Variants in RGL1 observed in about 807,000 individuals in gnomAD.
The protein encoded by RGL1 is ral guanine nucleotide dissociation stimulator-like 1.
Under a neutral mutation model 95.2 loss-of-function variants are expected in RGL1, and 24 were observed. The observed-to-expected ratio is 0.25, with a 90% confidence interval of 0.18 to 0.35. RGL1 has a LOEUF of 0.35. Among genes scored for constraint, RGL1 ranks in the 10% least tolerant of loss-of-function variants. RGL1 has a pLI of 1.00. For synonymous variants in RGL1, 329 were observed against 344.9 expected (o/e 0.95, Z 0.51); for missense variants, 715 against 936.3 (o/e 0.76, Z 3.08).
At chr1:183,733,947 C>G (rs75415617) in intron 1 of RGL1, among the ~76,000 whole-genome samples, 316 of 152,332 alleles carry the variant, frequency 2.1e-3, no homozygotes, top group African/African-American at 7.2e-3. Context: ...TACATGCTCT[C>G]CCAGAAGTGT....
intron 2 of RGL1, among the ~76,000 whole-genome samples, chr1:183,820,848 C>T (rs575424477): frequency 1.6e-4 from 24 of 152,112 alleles, no homozygotes; most frequent in Admixed American, 5.2e-4. Flanking sequence ...TGGCTGGGCG[C>T]GGTGGCTCAT....
chr1:183,856,196 G>A (rs1013038423), intron 3 of RGL1, among the ~76,000 whole-genome samples: 1 of 152,086 alleles, frequency 6.6e-6, no homozygotes, highest in Non-Finnish European at 1.5e-5. Context: ...TGTTAGAACA[G>A]ATGAGTTTAA....
At chr1:183,923,978 A>T (rs2102764415) in intron 17 of RGL1, among the ~76,000 whole-genome samples, 1 of 152,306 alleles carries the variant, frequency 6.6e-6, no homozygotes, top group African/African-American at 2.4e-5. Context: ...CTAGACTTGC[A>T]CATTTTACCT....
intron 1 of RGL1, among the ~76,000 whole-genome samples, chr1:183,731,375 G>A (rs1310797360): frequency 6.6e-6 from 1 of 152,094 alleles, no homozygotes; most frequent in Non-Finnish European, 1.5e-5. Flanking sequence ...GCTCTTGAAG[G>A]GCAGGGCAGA....
chr1:183,861,890 G>A (rs949877689), intron 3 of RGL1, among the ~76,000 whole-genome samples: 9 of 152,118 alleles, frequency 5.9e-5, no homozygotes, highest in African/African-American at 2.2e-4. Flanking sequence ...AGTTTTGATG[G>A]GAAGCTATGA....
At chr1:183,636,292 G>A (rs1649529220) in exon 1 of RGL1, 2 of 397,306 alleles carry the variant, frequency 5.0e-6, no homozygotes, top group Non-Finnish European at 8.9e-6. Context: ...ATGCACACCC[G>A]GGCGCCCAGC....
chr1:183,806,540 T>A, intron 2 of RGL1, 55 bp downstream of exon 2: 2 of 1,210,018 alleles, frequency 1.7e-6, no homozygotes, highest in Non-Finnish European at 1.2e-6. Flanking sequence ...TGTCGTTCTG[T>A]GAATATCATT....
intron 1 of RGL1, among the ~76,000 whole-genome samples, chr1:183,669,222 A>G (rs1246657056): frequency 1.3e-5 from 2 of 152,090 alleles, no homozygotes; most frequent in African/African-American, 2.4e-5. Context: ...GATTACATGG[A>G]CATTTTTATT....
At chr1:183,693,549 A>G (rs1376973112) in intron 1 of RGL1, among the ~76,000 whole-genome samples, 3 of 147,826 alleles carry the variant, frequency 2.0e-5, no homozygotes, top group Non-Finnish European at 3.0e-5. Context: ...AGTTCATGCT[A>G]TCTGACATGG....
At chr1:183,647,691 T>G (rs141411396) in intron 1 of RGL1, 1 of 1,582,232 alleles carries the variant, frequency 6.3e-7, no homozygotes, top group African/African-American at 1.4e-5. Context: ...TTTCTTCCCT[T>G]TCTTCTTCTT....
At chr1:183,829,376 A>G (rs1304654951) in intron 2 of RGL1, among the ~76,000 whole-genome samples, 3 of 151,284 alleles carry the variant, frequency 2.0e-5, no homozygotes, top group African/African-American at 7.3e-5. Context: ...TGAGAGGTGG[A>G]GGTTGCATGA....
intron 2 of RGL1, among the ~76,000 whole-genome samples, chr1:183,746,679 G>T (rs1438396517): frequency 6.7e-6 from 1 of 149,882 alleles, no homozygotes; most frequent in African/African-American, 2.5e-5. Context: ...TAAGTTCTGG[G>T]ATACATGTAC....
rs768634731 is a variant in RGL1 at position 183,884,973 on chromosome 1, GT to G, written c.951+36del. The G allele has an allele frequency of 2.6e-6, 4 of 1,564,908 alleles. No homozygotes were observed. The East Asian group carries it at 9.1e-5, about 36-fold the overall frequency. ...TTTTATAAAATATTCTTTGTGTTTG[GT>G]AGATGCAAGAGACTGCTCCATCACT... On this transcript the variant is annotated intron_variant, in intron 7 of 17. Transcript: ENST00000360851.
At chr1:183,792,881 CA>C (rs1388955531) in intron 2 of RGL1, among the ~76,000 whole-genome samples, 1 of 152,016 alleles carries the variant, frequency 6.6e-6, no homozygotes, top group Non-Finnish European at 1.5e-5. Flanking sequence ...CTACCCAAAG[CA>C]ATTTATAGAT....
At position 183,819,806 on chromosome 1, in the gene RGL1, A is replaced by G. The variant is rs1301392781; in HGVS notation, c.138+13321A>G. 2.0e-5 allele frequency among the ~76,000 whole-genome samples: 3 copies of G among 149,398 alleles called. No individual in the cohort carries two copies. In the East Asian group the frequency reaches 5.8e-4, roughly 29 times the overall value. On this transcript the variant is annotated intron_variant, in intron 2 of 17. Coordinates refer to ENST00000360851, the MANE Select transcript of RGL1 (RefSeq NM_001297671.3). ...ATACTTTTTTTTTTTTTTTTAAGAG[A>G]CAGGGTCTTGTTCTGTCGCCCAGTC...
intron 2 of RGL1, among the ~76,000 whole-genome samples, chr1:183,798,408 T>C (rs568857112): frequency 6.6e-6 from 1 of 152,242 alleles, no homozygotes; most frequent in African/African-American, 2.4e-5. Context: ...TGTATACAAC[T>C]TGATGAGTTT....
intron 2 of RGL1, among the ~76,000 whole-genome samples, chr1:183,799,654 G>C (rs1053692142): frequency 1.3e-5 from 2 of 152,154 alleles, no homozygotes; most frequent in Non-Finnish European, 2.9e-5. Context: ...AATCAGGTTG[G>C]TTCGTTTGCT....
chr1:183,764,450 C>T (rs1414346652), intron 2 of RGL1, among the ~76,000 whole-genome samples: 1 of 152,146 alleles, frequency 6.6e-6, no homozygotes, highest in Non-Finnish European at 1.5e-5. Flanking sequence ...TGGTAAGTTT[C>T]AGTTCCTTGA....
chr1:183,698,316 G>A (rs1264283166), intron 1 of RGL1, among the ~76,000 whole-genome samples: 1 of 152,136 alleles, frequency 6.6e-6, no homozygotes, highest in Non-Finnish European at 1.5e-5. Context: ...ACTGTTGCTA[G>A]TCCCTGGCTT....
Sources: gnomAD v4.1 joint callset for allele counts (sites outside exome capture counted in the v4.1 genomes callset) on GRCh38, gnomAD v4.1.1 for gene constraint, MANE v1.5 for transcripts, NCBI Gene and HGNC (gene_info 2026-07-23, HGNC 2026-07-21) for gene names.